Variants in ATL1 observed in about 807,000 individuals in gnomAD.
ATL1 encodes atlastin-1.
Under a neutral mutation model 75.5 loss-of-function variants are expected in ATL1, and 31 were observed. The ratio of observed to expected loss-of-function variants is 0.41; its 90% CI spans 0.31 to 0.55. ATL1 has a LOEUF of 0.55. ATL1 is among the 20% of genes least tolerant of loss of function. ATL1 has a pLI of 0.27. For missense variants in ATL1, 405 were observed against 662.6 expected, an observed-to-expected ratio of 0.61 and a Z score of 4.27; for synonymous variants, 226 against 233.3, an observed-to-expected ratio of 0.97 and a Z score of 0.28.
chr14:50,628,321 G>A lies in ATL1; in HGVS notation c.1410G>A (p.Leu470=), dbSNP rs1595625346. The A allele has an allele frequency of 1.2e-6, 2 of 1,614,066 alleles. No individual in the cohort carries two copies. Among genetic ancestry groups the A allele is most frequent in the African/African-American group, 1.3e-5 (1 of 74,994 alleles). Residue 470 remains leucine, a synonymous_variant, in exon 12 of 14, where the codon TTG becomes TTA. Transcript: ENST00000358385. ...CTGGTGTGACTGGATTCATTGGTTT[G>A]GACATCATAGCTAGCCTATGCAATA... ...VIAGVTGFIG[L]DIIASLCNMI...
intron 1 of ATL1, among the ~76,000 whole-genome samples, chr14:50,566,047 G>C (rs1482446497): frequency 6.6e-6 from 1 of 152,104 alleles, no homozygotes; most frequent in Non-Finnish European, 1.5e-5. Flanking sequence ...ACCCAGGCTG[G>C]AGTGCAATGG....
At position 50,628,029 on chromosome 14, in the gene ATL1, A is replaced by G; in HGVS notation, c.1120-2A>G. The G allele has an allele frequency of 6.2e-7, 1 of 1,614,166 alleles. No individual in the cohort carries two copies. Among genetic ancestry groups the G allele is most frequent in the Non-Finnish European group, 8.5e-7 (1 of 1,180,006 alleles). On this transcript the variant is annotated splice_acceptor_variant, in intron 11 of 13. Transcript: ENST00000358385. LOFTEE classifies it high-confidence loss of function. The stretch of plus-strand genomic sequence containing the variant: ...AAACAAATACTTCTCTATCTGATAC[A>G]GATTTGTGGTGGTGACAAACCATTT...
chr14:50,604,494 T>C (rs1342112428), intron 6 of ATL1, among the ~76,000 whole-genome samples: 1 of 152,152 alleles, frequency 6.6e-6, no homozygotes, highest in Non-Finnish European at 1.5e-5. Flanking sequence ...ATATTTGGGA[T>C]TGTAAATAGT....
rs550703973 is a variant in ATL1 at position 50,591,889 on chromosome 14, T to C, written c.522+250T>C. Reference sequence around the variant, plus strand: ...AAGGTCATATTATCTTATTGGGATTTTTGTTGTTGTTGTTTAAAGCCTACA... The same window carrying C: ...AAGGTCATATTATCTTATTGGGATTCTTGTTGTTGTTGTTTAAAGCCTACA... On this transcript the variant is annotated intron_variant, in intron 4 of 13. Transcript: ENST00000358385. 261 of 421,982 alleles carry C rather than the reference T, an allele frequency of 6.2e-4. No homozygotes were observed. The Middle Eastern group carries it at 6.7e-3, about 11-fold the overall frequency. The allele number at this position is 421,982 out of a possible 1,614,324, so 26.1% of individuals were successfully genotyped here.
chr14:50,538,925 T>C (rs1041436191), intron 1 of ATL1, among the ~76,000 whole-genome samples: 2 of 152,212 alleles, frequency 1.3e-5, no homozygotes, highest in Admixed American at 6.5e-5. Flanking sequence ...CCTCAAGCAA[T>C]CGACCTACCT....
chr14:50,624,387 C>T (rs1185887065), intron 11 of ATL1, among the ~76,000 whole-genome samples: 4 of 151,960 alleles, frequency 2.6e-5, no homozygotes, highest in Non-Finnish European at 5.9e-5. Context: ...TCTGTTATGG[C>T]AACCTGTGAT....
chr14:50,609,575 G>A (rs2039345207), intron 6 of ATL1, among the ~76,000 whole-genome samples: 1 of 151,892 alleles, frequency 6.6e-6, no homozygotes, highest in Non-Finnish European at 1.5e-5. Context: ...AGGAGATATG[G>A]ATATAATATA....
intron 8 of ATL1, among the ~76,000 whole-genome samples, chr14:50,619,405 G>A (rs760286495): frequency 1.3e-5 from 2 of 152,204 alleles, no homozygotes; most frequent in Non-Finnish European, 2.9e-5. Flanking sequence ...ATTTCACCAC[G>A]TTGGCCAGGC....
At chr14:50,580,145 T>G (rs375205483) in intron 1 of ATL1, among the ~76,000 whole-genome samples, 7 of 152,326 alleles carry the variant, frequency 4.6e-5, no homozygotes, top group African/African-American at 1.2e-4. Context: ...GAGTCAGCTC[T>G]AAAGTTGAAT....
intron 8 of ATL1, among the ~76,000 whole-genome samples, chr14:50,620,101 T>C (rs2039453120): frequency 6.6e-6 from 1 of 151,964 alleles, no homozygotes; most frequent in Non-Finnish European, 1.5e-5. Flanking sequence ...CTACTAAAAA[T>C]ACAAAAATTA....
chr14:50,603,883 A>C (rs1183327143), intron 6 of ATL1, among the ~76,000 whole-genome samples: 2 of 152,142 alleles, frequency 1.3e-5, no homozygotes, highest in African/African-American at 4.8e-5. Flanking sequence ...AATTTAGGTG[A>C]TCTGAGAGCT....
intron 11 of ATL1, among the ~76,000 whole-genome samples, chr14:50,623,728 T>C (rs1044361338): frequency 2.0e-5 from 3 of 152,126 alleles, no homozygotes; most frequent in Non-Finnish European, 4.4e-5. Context: ...TATGTACTAC[T>C]GTGATAGATA....
At position 50,628,426 on chromosome 14, in the gene ATL1, T is replaced by C. The variant is rs903197914; in HGVS notation, c.1515T>C (p.Ala505=). The change falls in exon 12 of 14, where the codon GCT becomes GCC. Residue 505 remains alanine, a synonymous_variant. Transcript: ENST00000358385. ...CTGGAGAATACCGAGAGCTGGGAGCTGTAATAGACCAGGTGGCTGCAGCTC... is the reference window on the plus strand; with the variant it reads ...CTGGAGAATACCGAGAGCTGGGAGCCGTAATAGACCAGGTGGCTGCAGCTC... ...RYSGEYRELG[A]VIDQVAAALW... is the part of the protein sequence containing the mutation. 1 of 1,614,092 alleles carries C rather than the reference T, an allele frequency of 6.2e-7. No individual in the cohort carries two copies. The highest frequency in any genetic ancestry group is 8.5e-7 in the Non-Finnish European group (1 of 1,180,024).
intron 6 of ATL1, among the ~76,000 whole-genome samples, chr14:50,609,717 A>G (rs2039346344): frequency 6.6e-6 from 1 of 152,092 alleles, no homozygotes; most frequent in African/African-American, 2.4e-5. Flanking sequence ...GTCTAGAAAC[A>G]CTGACCAACG....
intron 11 of ATL1, among the ~76,000 whole-genome samples, chr14:50,627,247 T>G (rs1249218628): frequency 2.2e-4 from 33 of 152,366 alleles, no homozygotes; most frequent in Non-Finnish European, 1.5e-5. Flanking sequence ...TGCAATAAAG[T>G]GTTCTTAAAT....
intron 11 of ATL1, among the ~76,000 whole-genome samples, chr14:50,626,711 G>T (rs184727824): frequency 6.6e-6 from 1 of 152,286 alleles, no homozygotes; most frequent in Admixed American, 6.5e-5. Flanking sequence ...TCAAATCAGG[G>T]AAAGTGTGGT....
intron 1 of ATL1, among the ~76,000 whole-genome samples, chr14:50,572,690 C>T (rs1329901428): frequency 6.6e-6 from 1 of 151,976 alleles, no homozygotes; most frequent in Non-Finnish European, 1.5e-5. Flanking sequence ...ACATTTTCAG[C>T]TTTTCTTCTT....
Position 50,599,767 on chromosome 14 carries a change from A to G in ATL1, c.630+4135A>G, listed in dbSNP as rs147154236. Among the ~76,000 whole-genome samples, 3 of 152,220 alleles carry G rather than the reference A, an allele frequency of 2.0e-5. No individual in the cohort carries two copies. The East Asian group carries it at 5.8e-4, about 29-fold the overall frequency. On this transcript the variant is annotated intron_variant, in intron 6 of 13. Coordinates refer to ENST00000358385, the MANE Select transcript of ATL1 (RefSeq NM_015915.5). ...CATATTATAATATATATTAAAGTGA[A>G]TGTGGGTGGGAATGAATAGTTGAGG...
chr14:50,632,215 T>C lies in ATL1; in HGVS notation c.1567-14T>C, dbSNP rs886050532. Reference sequence around the variant, plus strand: ...TTAATAAAATGTTTTATAATTTTGATGCTTTTATTCTAGGCTTTGTACAAG... The same window carrying C: ...TTAATAAAATGTTTTATAATTTTGACGCTTTTATTCTAGGCTTTGTACAAG... On this transcript the variant is annotated splice_polypyrimidine_tract_variant and intron_variant, in intron 13 of 13. Coordinates refer to ENST00000358385, the MANE Select transcript of ATL1 (RefSeq NM_015915.5). The C allele has an allele frequency of 6.3e-7, 1 of 1,578,110 alleles. No homozygotes were observed. Among genetic ancestry groups the C allele is most frequent in the Non-Finnish European group, 8.6e-7 (1 of 1,156,774 alleles).
Sources: gnomAD v4.1 joint callset for allele counts (sites outside exome capture counted in the v4.1 genomes callset) on GRCh38, gnomAD v4.1.1 for gene constraint, MANE v1.5 for transcripts, NCBI Gene and HGNC (gene_info 2026-07-23, HGNC 2026-07-21) for gene names.